KCNIP4: variants seen among roughly 807,000 people sequenced by gnomAD.
KCNIP4 encodes potassium voltage-gated channel interacting protein 4, also known as Kv channel-interacting protein 4.
KCNIP4 carries 12 observed loss-of-function variants against 34.0 expected under a neutral mutation model. That is an observed-to-expected ratio of 0.35 (90% CI 0.23 to 0.57). KCNIP4 has a LOEUF of 0.57. Among genes scored for constraint, KCNIP4 ranks in the 20% least tolerant of loss-of-function variants. KCNIP4 has a pLI of 0.83. For missense variants in KCNIP4, 238 were observed against 311.7 expected, an observed-to-expected ratio of 0.76 and a Z score of 1.78; for synonymous variants, 124 against 102.2, an observed-to-expected ratio of 1.21 and a Z score of -1.29.
At chr4:21,943,661 C>T (rs1347893215) in intron 1 of KCNIP4, among the ~76,000 whole-genome samples, 4 of 152,126 alleles carry the variant, frequency 2.6e-5, no homozygotes, top group African/African-American at 4.8e-5. Flanking sequence ...GAAAATCAAG[C>T]TAAGGAATTT....
chr4:21,313,317 A>T (rs1417919779), intron 1 of KCNIP4, among the ~76,000 whole-genome samples: 1 of 152,302 alleles, frequency 6.6e-6, no homozygotes, highest in Non-Finnish European at 1.5e-5. Context: ...ATTACAGCTG[A>T]CATGCTGTAC....
intron 1 of KCNIP4, among the ~76,000 whole-genome samples, chr4:21,631,620 C>T (rs965341942): frequency 5.9e-5 from 9 of 152,142 alleles, no homozygotes; most frequent in Non-Finnish European, 1.3e-4. Context: ...TATAAAAACC[C>T]TCTGCTATGT....
At chr4:20,901,921 A>C (rs1727194467) in intron 1 of KCNIP4, among the ~76,000 whole-genome samples, 1 of 152,060 alleles carries the variant, frequency 6.6e-6, no homozygotes, top group South Asian at 2.1e-4. Context: ...CAACCTTTTA[A>C]AGTCTTTCTT....
chr4:21,098,279 T>C (rs190771619), intron 1 of KCNIP4, among the ~76,000 whole-genome samples: 18 of 152,202 alleles, frequency 1.2e-4, no homozygotes, highest in Admixed American at 3.3e-4. Flanking sequence ...GCTAAGAAAA[T>C]TGATGGAGGG....
chr4:21,926,254 C>T (rs552972382), intron 1 of KCNIP4, among the ~76,000 whole-genome samples: 18 of 152,166 alleles, frequency 1.2e-4, no homozygotes, highest in Non-Finnish European at 2.2e-4. Context: ...TCTTTACAGG[C>T]GGAGACAAGT....
At chr4:21,799,242 TC>T (rs1720842873) in intron 1 of KCNIP4, among the ~76,000 whole-genome samples, 1 of 152,152 alleles carries the variant, frequency 6.6e-6, no homozygotes, top group Admixed American at 6.6e-5. Context: ...CATTATTTTC[TC>T]TCTTTTACAG....
chr4:20,936,750 T>G (rs1381340397), intron 1 of KCNIP4, among the ~76,000 whole-genome samples: 1 of 152,160 alleles, frequency 6.6e-6, no homozygotes, highest in Non-Finnish European at 1.5e-5. Flanking sequence ...TTCTTGTTTA[T>G]TTTTCAATCC....
At chr4:20,804,836 G>C (rs910918046) in intron 3 of KCNIP4, among the ~76,000 whole-genome samples, 3 of 152,186 alleles carry the variant, frequency 2.0e-5, no homozygotes, top group Admixed American at 1.3e-4. Context: ...CATAGGGAAT[G>C]GAAACCTCAT....
intron 1 of KCNIP4, among the ~76,000 whole-genome samples, chr4:21,734,953 T>G (rs1177350072): frequency 6.6e-6 from 1 of 151,992 alleles, no homozygotes; most frequent in African/African-American, 2.4e-5. Flanking sequence ...TAAATAAAGA[T>G]TAGTGTAAAG....
At chr4:21,626,282 T>G (rs958582946) in intron 1 of KCNIP4, among the ~76,000 whole-genome samples, 2 of 152,024 alleles carry the variant, frequency 1.3e-5, no homozygotes, top group Non-Finnish European at 2.9e-5. Context: ...TACGTGGAGA[T>G]GAAGACTTTG....
chr4:21,204,867 T>A (rs1023721), intron 1 of KCNIP4, among the ~76,000 whole-genome samples: 9,930 of 152,242 alleles, frequency 0.065, 390 homozygotes, highest in East Asian at 0.15. Flanking sequence ...TTGGGAGATA[T>A]AAAAATTAGT....
chr4:20,819,125 G>GCTGGGATTACA (rs1476108909), intron 3 of KCNIP4, among the ~76,000 whole-genome samples: 1 of 151,914 alleles, frequency 6.6e-6, no homozygotes, highest in Non-Finnish European at 1.5e-5. Context: ...CTCCCAAAGT[G>GCTGGGATTACA]CTGGGATTAC....
chr4:21,496,293 G>GA (rs906523323), intron 1 of KCNIP4, among the ~76,000 whole-genome samples: 10 of 151,526 alleles, frequency 6.6e-5, no homozygotes, highest in African/African-American at 9.7e-5. Context: ...AGTCAACAAA[G>GA]AAAAAAAATA....
intron 5 of KCNIP4, among the ~76,000 whole-genome samples, chr4:20,744,519 A>G (rs1015691904): frequency 7.9e-5 from 12 of 152,176 alleles, no homozygotes; most frequent in Non-Finnish European, 1.3e-4. Context: ...TCGCAAGGAC[A>G]GAAAACCAAA....
At chr4:21,836,627 G>C (rs761000833) in intron 1 of KCNIP4, among the ~76,000 whole-genome samples, 5 of 152,134 alleles carry the variant, frequency 3.3e-5, no homozygotes, top group Non-Finnish European at 7.4e-5. Flanking sequence ...ACTTCACACT[G>C]TAAAAAATGC....
intron 1 of KCNIP4, among the ~76,000 whole-genome samples, chr4:21,092,574 C>T (rs973295313): frequency 3.3e-5 from 5 of 152,212 alleles, no homozygotes; most frequent in African/African-American, 1.2e-4. Context: ...GTGACTCCTT[C>T]TTCCTTCCCA....
At chr4:21,576,765 A>ATTATCTTATAT (rs1467471114) in intron 1 of KCNIP4, among the ~76,000 whole-genome samples, 1 of 152,118 alleles carries the variant, frequency 6.6e-6, no homozygotes, top group Non-Finnish European at 1.5e-5. Flanking sequence ...AAGTGCTATG[A>ATTATCTTATAT]TAATAATTAT....
At chr4:21,700,010 G>A (rs977337980) in intron 1 of KCNIP4, among the ~76,000 whole-genome samples, 1 of 152,120 alleles carries the variant, frequency 6.6e-6, no homozygotes, top group African/African-American at 2.4e-5. Flanking sequence ...TTGGTACACT[G>A]AATAGGGACA....
chr4:21,071,922 T>C (rs1744975638), intron 1 of KCNIP4, among the ~76,000 whole-genome samples: 1 of 152,180 alleles, frequency 6.6e-6, no homozygotes, highest in Admixed American at 6.5e-5. Flanking sequence ...GATAGTTTGC[T>C]GAGAATGATG....
Sources: gnomAD v4.1 joint callset for allele counts (sites outside exome capture counted in the v4.1 genomes callset) on GRCh38, gnomAD v4.1.1 for gene constraint, MANE v1.5 for transcripts, NCBI Gene and HGNC (gene_info 2026-07-23, HGNC 2026-07-21) for gene names.